Variants in KCNIP4 observed in about 807,000 individuals in gnomAD.
KCNIP4 encodes Kv channel-interacting protein 4.
Under a neutral mutation model 34.0 loss-of-function variants are expected in KCNIP4, and 12 were observed. The observed-to-expected ratio is 0.35, with a 90% confidence interval of 0.23 to 0.57. The LOEUF (loss-of-function observed/expected upper bound fraction) is 0.57, where lower values mean the gene tolerates loss of function less well. Among genes scored for constraint, KCNIP4 ranks in the 20% least tolerant of loss-of-function variants. The probability of loss-of-function intolerance (pLI) is 0.83; values close to 1 mark genes in which losing one functional copy is unlikely to be tolerated. For synonymous variants in KCNIP4, 124 were observed against 102.2 expected, an observed-to-expected ratio of 1.21 and a Z score of -1.29; for missense variants, 238 against 311.7, an observed-to-expected ratio of 0.76 and a Z score of 1.78.
rs780175838 is a variant in KCNIP4 at position 20,920,557 on chromosome 4, T to A, written c.62-37848A>T. 1.8e-3 allele frequency among the ~76,000 whole-genome samples: 274 copies of A among 151,992 alleles called. 4 individuals carry two copies. The highest frequency in any genetic ancestry group is 5.3e-4 in the Non-Finnish European group (36 of 67,978). On this transcript the variant is annotated intron_variant, in intron 1 of 8. Coordinates refer to ENST00000382152, the MANE Select transcript of KCNIP4 (RefSeq NM_025221.6). ...GGTAACTGGGGCAAAAGATACACAG[T>A]GGGGAGAGGCAGGGTTGCAGACTGG...
chr4:21,536,616 T>C (rs1310117676), intron 1 of KCNIP4, among the ~76,000 whole-genome samples: 1 of 151,904 alleles, frequency 6.6e-6, no homozygotes, highest in Non-Finnish European at 1.5e-5. Flanking sequence ...CTGTCTTTAC[T>C]AAAAATACAA....
chr4:21,433,934 C>T (rs149704936), intron 1 of KCNIP4, among the ~76,000 whole-genome samples: 1 of 152,274 alleles, frequency 6.6e-6, no homozygotes, highest in East Asian at 1.9e-4. Context: ...AGTTACAGGT[C>T]AGGCACATTT....
chr4:21,711,690 G>T (rs888257484), intron 1 of KCNIP4, among the ~76,000 whole-genome samples: 1 of 152,136 alleles, frequency 6.6e-6, no homozygotes, highest in African/African-American at 2.4e-5. Flanking sequence ...TTCTGTTACT[G>T]TTTTTCATAT....
intron 1 of KCNIP4, among the ~76,000 whole-genome samples, chr4:21,149,938 C>A (rs185201951): frequency 3.3e-5 from 5 of 151,930 alleles, no homozygotes; most frequent in African/African-American, 1.2e-4. Context: ...TTATAACACC[C>A]TAATAATATT....
chr4:20,933,071 C>G (rs959090521), intron 1 of KCNIP4, among the ~76,000 whole-genome samples: 2 of 151,930 alleles, frequency 1.3e-5, no homozygotes, highest in African/African-American at 4.8e-5. Context: ...CATAGAGAAA[C>G]CTGTCTCCAC....
At chr4:21,440,445 T>C (rs1037019486) in intron 1 of KCNIP4, among the ~76,000 whole-genome samples, 12 of 152,214 alleles carry the variant, frequency 7.9e-5, no homozygotes, top group African/African-American at 2.4e-4. Flanking sequence ...TTCTGACTGT[T>C]CAAATCACTG....
chr4:20,971,312 T>C (rs1734927535), intron 1 of KCNIP4, among the ~76,000 whole-genome samples: 2 of 152,164 alleles, frequency 1.3e-5, no homozygotes, highest in African/African-American at 4.8e-5. Context: ...ACAAGTATGT[T>C]GATTTAAAAA....
intron 1 of KCNIP4, among the ~76,000 whole-genome samples, chr4:21,320,742 G>A (rs184089703): frequency 1.5e-3 from 232 of 152,102 alleles, no homozygotes; most frequent in Middle Eastern, 3.4e-3. Flanking sequence ...AGACCAAGGC[G>A]GGTGGATCAC....
chr4:21,357,348 G>GA (rs1427449050), intron 1 of KCNIP4, among the ~76,000 whole-genome samples: 2 of 152,118 alleles, frequency 1.3e-5, no homozygotes, highest in Non-Finnish European at 2.9e-5. Context: ...CTTCTGCACA[G>GA]AAAAAGAAAC....
chr4:21,850,741 T>C (rs1237317482), intron 1 of KCNIP4: 3 of 152,156 alleles, frequency 2.0e-5, no homozygotes, highest in African/African-American at 7.2e-5. Context: ...TTTACATCAG[T>C]TTGATCCCGA....
chr4:21,333,421 C>A (rs1377401866), intron 1 of KCNIP4, among the ~76,000 whole-genome samples: 1 of 131,906 alleles, frequency 7.6e-6, no homozygotes, highest in African/African-American at 2.9e-5. Flanking sequence ...CAACTACTTT[C>A]TGCACACAGA....
chr4:20,972,130 TTTC>T (rs1422145529), intron 1 of KCNIP4, among the ~76,000 whole-genome samples: 1 of 152,190 alleles, frequency 6.6e-6, no homozygotes, highest in Non-Finnish European at 1.5e-5. Context: ...TTTACAGTTA[TTTC>T]TTCTAATGAA....
At chr4:21,397,061 G>A (rs567149209) in intron 1 of KCNIP4, among the ~76,000 whole-genome samples, 1 of 152,246 alleles carries the variant, frequency 6.6e-6, no homozygotes, top group Non-Finnish European at 1.5e-5. Context: ...ATCTGCCTTG[G>A]CAACTGGGGG....
At chr4:21,818,930 A>G (rs1344454682) in intron 1 of KCNIP4, among the ~76,000 whole-genome samples, 1 of 152,210 alleles carries the variant, frequency 6.6e-6, no homozygotes, top group African/African-American at 2.4e-5. Flanking sequence ...CCAGTTTCAC[A>G]TTGCAGCCAG....
intron 1 of KCNIP4, among the ~76,000 whole-genome samples, chr4:21,296,894 T>C (rs1410900730): frequency 6.6e-6 from 1 of 151,634 alleles, no homozygotes; most frequent in Non-Finnish European, 1.5e-5. Flanking sequence ...AGCAAGCAGT[T>C]AGGAAGGTAC....
At chr4:20,840,345 A>C (rs1719569110) in intron 3 of KCNIP4, among the ~76,000 whole-genome samples, 1 of 152,166 alleles carries the variant, frequency 6.6e-6, no homozygotes, top group African/African-American at 2.4e-5. Context: ...GCAAATCTTC[A>C]AAACTAGAGA....
intron 1 of KCNIP4, among the ~76,000 whole-genome samples, chr4:21,503,302 C>A (rs997993814): frequency 5.3e-5 from 8 of 152,048 alleles, no homozygotes; most frequent in Non-Finnish European, 1.2e-4. Flanking sequence ...AAAGCAGTCA[C>A]AACAATTAAC....
At chr4:21,469,748 T>C (rs1730301409) in intron 1 of KCNIP4, among the ~76,000 whole-genome samples, 1 of 152,092 alleles carries the variant, frequency 6.6e-6, no homozygotes, top group African/African-American at 2.4e-5. Context: ...TAGTCTCTGC[T>C]CTCAATACAG....
intron 1 of KCNIP4, among the ~76,000 whole-genome samples, chr4:21,446,728 C>T (rs192628165): frequency 3.4e-4 from 51 of 151,870 alleles, no homozygotes; most frequent in Admixed American, 2.1e-3. Context: ...CAAACCTGCA[C>T]ATTGTGCACA....
Sources: allele counts gnomAD v4.1 joint callset (sites outside exome capture counted in the v4.1 genomes callset), GRCh38; gene constraint gnomAD v4.1.1; transcripts MANE v1.5; gene names NCBI Gene and HGNC (gene_info 2026-07-23, HGNC 2026-07-21).